PCMTD1: variants seen among roughly 807,000 people sequenced by gnomAD.
The protein encoded by PCMTD1 is protein-L-isoaspartate (D-aspartate) O-methyltransferase domain containing 1, also known as protein-L-isoaspartate O-methyltransferase domain-containing protein 1.
In PCMTD1, 12 loss-of-function variants were observed where a neutral mutation model predicts 37.6. That is an observed-to-expected ratio of 0.32 (90% CI 0.20 to 0.52). PCMTD1 has a LOEUF of 0.52. Among genes scored for constraint, PCMTD1 ranks in the 20% least tolerant of loss-of-function variants. The probability of loss-of-function intolerance (pLI) is 0.97; values close to 1 mark genes in which losing one functional copy is unlikely to be tolerated. For synonymous variants in PCMTD1, 117 were observed against 135.8 expected, an observed-to-expected ratio of 0.86 and a Z score of 0.96; for missense variants, 235 against 421.3, an observed-to-expected ratio of 0.56 and a Z score of 3.87.
intron 1 of PCMTD1, among the ~76,000 whole-genome samples, chr8:51,864,464 T>C (rs936121618): frequency 1.3e-5 from 2 of 152,196 alleles, no homozygotes. Context: ...ATATATTATA[T>C]GTTTGTCTAC....
chr8:51,836,734 A>C (rs2038072209), intron 3 of PCMTD1, among the ~76,000 whole-genome samples: 1 of 152,082 alleles, frequency 6.6e-6, no homozygotes, highest in South Asian at 2.1e-4. Context: ...TACTTCTTCT[A>C]ATTGTTTTAA....
At chr8:51,830,492 C>G (rs1029603277) in intron 5 of PCMTD1, among the ~76,000 whole-genome samples, 5 of 152,206 alleles carry the variant, frequency 3.3e-5, no homozygotes, top group African/African-American at 4.8e-5. Context: ...ATGAATTCTT[C>G]TTTTCCCTCT....
At chr8:51,869,154 C>T (rs2038603174) in intron 1 of PCMTD1, among the ~76,000 whole-genome samples, 2 of 152,062 alleles carry the variant, frequency 1.3e-5, no homozygotes, top group South Asian at 2.1e-4. Flanking sequence ...CGTAAATCGA[C>T]GTCTGTAGTG....
At chr8:51,856,295 A>T (rs2038388246) in intron 2 of PCMTD1, among the ~76,000 whole-genome samples, 1 of 152,226 alleles carries the variant, frequency 6.6e-6, no homozygotes, top group African/African-American at 2.4e-5. Context: ...AAGGAAGAGC[A>T]AATTAAAACC....
chr8:51,873,651 G>A (rs1234410224), intron 1 of PCMTD1, among the ~76,000 whole-genome samples: 1 of 152,094 alleles, frequency 6.6e-6, no homozygotes, highest in Non-Finnish European at 1.5e-5. Context: ...CTGTCCTCAT[G>A]ATAGGGAGTG....
At chr8:51,892,953 T>C (rs891550671) in intron 1 of PCMTD1, among the ~76,000 whole-genome samples, 6 of 152,370 alleles carry the variant, frequency 3.9e-5, no homozygotes, top group African/African-American at 1.4e-4. Flanking sequence ...TTTATATATT[T>C]TTTGTATCAC....
rs1478327940 is a variant in PCMTD1, at chr8:51,899,002, C to T, written c.-168G>A. 2.6e-6 allele frequency: 4 copies of T among 1,511,742 alleles called. No homozygotes were observed. The highest frequency in any genetic ancestry group is 3.5e-6 in the Non-Finnish European group (4 of 1,137,228). The allele number at this position is 1,511,742 out of a possible 1,614,324, so 93.6% of individuals were successfully genotyped here. A position where few individuals can be genotyped will look rare whatever the true frequency, so the allele number is the denominator to read the frequency against. On this transcript the variant is annotated 5_prime_UTR_variant, in exon 1 of 6. Transcript: ENST00000522514. ...GGTCCGCAGCAGCCAGACGCCGCTACCACCACAATAACAACACGGACGCCA... is the reference window on the plus strand; with the variant it reads ...GGTCCGCAGCAGCCAGACGCCGCTATCACCACAATAACAACACGGACGCCA...
chr8:51,857,845 T>C (rs1411981198), intron 2 of PCMTD1, among the ~76,000 whole-genome samples: 1 of 152,050 alleles, frequency 6.6e-6, no homozygotes, highest in African/African-American at 2.4e-5. Context: ...GAAAACTCAA[T>C]ACAAAAATTA....
chr8:51,857,176 T>C (rs78926958), intron 2 of PCMTD1, among the ~76,000 whole-genome samples: 165 of 152,340 alleles, frequency 1.1e-3, no homozygotes, highest in African/African-American at 3.8e-3. Flanking sequence ...CTAAACAATA[T>C]GGCAACTGCA....
intron 1 of PCMTD1, among the ~76,000 whole-genome samples, chr8:51,890,848 G>A (rs2038926199): frequency 6.6e-6 from 1 of 152,142 alleles, no homozygotes; most frequent in Admixed American, 6.5e-5. Context: ...CAGAGAAAAT[G>A]CAAGCACTCA....
intron 1 of PCMTD1, 115 bp downstream of exon 1, chr8:51,898,815 G>C (rs1399201857): frequency 1.9e-6 from 2 of 1,041,316 alleles, no homozygotes; most frequent in Non-Finnish European, 1.2e-6. Flanking sequence ...CCGACTCTTC[G>C]GCTGCCGTCC....
intron 2 of PCMTD1, among the ~76,000 whole-genome samples, chr8:51,851,080 T>G (rs531380966): frequency 4.9e-4 from 74 of 152,358 alleles, no homozygotes; most frequent in African/African-American, 1.7e-3. Flanking sequence ...TATATTTAAT[T>G]TATTTCTCCC....
At chr8:51,865,742 T>C (rs1407918556) in intron 1 of PCMTD1, among the ~76,000 whole-genome samples, 1 of 151,608 alleles carries the variant, frequency 6.6e-6, no homozygotes, top group Non-Finnish European at 1.5e-5. Flanking sequence ...AGTTGAAAGG[T>C]TTTCCACGAT....
chr8:51,842,391 T>C (rs1036960601), intron 3 of PCMTD1, among the ~76,000 whole-genome samples: 6 of 152,206 alleles, frequency 3.9e-5, no homozygotes, highest in Non-Finnish European at 7.4e-5. Flanking sequence ...AGTGCAATAG[T>C]GCAATCTTGG....
intron 2 of PCMTD1, among the ~76,000 whole-genome samples, chr8:51,853,140 G>C (rs1287934999): frequency 2.6e-5 from 4 of 152,170 alleles, no homozygotes; most frequent in Non-Finnish European, 5.9e-5. Context: ...TCCCAAAAAA[G>C]GACAAAGTAT....
At chr8:51,853,015 A>G (rs1313691805) in intron 2 of PCMTD1, among the ~76,000 whole-genome samples, 14 of 152,196 alleles carry the variant, frequency 9.2e-5, no homozygotes, top group Admixed American at 8.5e-4. Context: ...GAGTGTCCAG[A>G]GCTCAGCTGC....
At chr8:51,892,495 A>C (rs1323277542) in intron 1 of PCMTD1, among the ~76,000 whole-genome samples, 1 of 152,240 alleles carries the variant, frequency 6.6e-6, no homozygotes, top group Admixed American at 6.5e-5. Context: ...AGGTCAGAAA[A>C]GGAACCAAAA....
rs1425976155 is a variant in PCMTD1 at position 51,818,166 on chromosome 8, T to C, written c.*2185A>G. 17 of 311,790 alleles carry C rather than the reference T, an allele frequency of 5.5e-5. No homozygotes were observed. Among genetic ancestry groups the C allele is most frequent in the Non-Finnish European group, 9.3e-5 (15 of 160,772 alleles). The allele number at this position is 311,790 out of a possible 1,614,324, so 19.3% of individuals were successfully genotyped here. On this transcript the variant is annotated 3_prime_UTR_variant, in exon 6 of 6. Coordinates refer to ENST00000522514, the MANE Select transcript of PCMTD1 (RefSeq NM_052937.4). ...ATAGATAAAAAGGCTTTAGCTTTAA[T>C]TTTCATTTTTCATTTCTACCTCTTA...
intron 1 of PCMTD1, among the ~76,000 whole-genome samples, chr8:51,868,997 C>A (rs2038600740): frequency 6.6e-6 from 1 of 152,050 alleles, no homozygotes; most frequent in Non-Finnish European, 1.5e-5. Flanking sequence ...TTTCCTAATA[C>A]CATGAGACAT....
Sources: allele counts gnomAD v4.1 joint callset (sites outside exome capture counted in the v4.1 genomes callset), GRCh38; gene constraint gnomAD v4.1.1; transcripts MANE v1.5; gene names NCBI Gene and HGNC (gene_info 2026-07-23, HGNC 2026-07-21).